NUDT10: variants seen among roughly 807,000 people sequenced by gnomAD.
NUDT10 encodes the protein diphosphoinositol polyphosphate phosphohydrolase 3-alpha.
A neutral mutation model predicts 10.5 loss-of-function variants in NUDT10; 2 were observed. The observed-to-expected ratio is 0.19, with a 90% CI of 0.08 to 0.60. The LOEUF (loss-of-function observed/expected upper bound fraction) is 0.60, where lower values mean the gene tolerates loss of function less well. Ranked by LOEUF, NUDT10 falls within the 20% of genes least tolerant of loss-of-function variation. NUDT10 has a pLI of 0.89. For missense variants in NUDT10, 75 were observed against 149.5 expected (o/e 0.50, Z 2.60); for synonymous variants, 53 against 71.8 (o/e 0.74, Z 1.32).
chrX:51,335,682 T>C (rs1557312678), intron 1 of NUDT10, among the ~76,000 whole-genome samples: 1 of 112,150 alleles, frequency 8.9e-6, no homozygotes, highest in East Asian at 2.8e-4. Context: ...CTGCTCCTTG[T>C]CTCACTTGCC....
Position 51,336,353 on chromosome X carries a change from C to T in NUDT10, c.*114C>T, listed in dbSNP as rs782228640. On this transcript the variant is annotated 3_prime_UTR_variant, in exon 2 of 2. Coordinates refer to ENST00000356450, the MANE Select transcript of NUDT10 (RefSeq NM_001304963.2). Reference sequence around the variant, plus strand: ...TCTTTCACACTCCAAGGACACAGCTCATCCTATGCTTTTGGACACTTCTTC... The same window carrying T: ...TCTTTCACACTCCAAGGACACAGCTTATCCTATGCTTTTGGACACTTCTTC... 682 of 469,611 alleles carry T rather than the reference C, an allele frequency of 1.5e-3. 5 individuals carry two copies. The South Asian group carries it at 0.025, about 17-fold the overall frequency. 38.7% of individuals were successfully genotyped at this position (469,611 alleles called of 1,213,427 possible). A position where few individuals can be genotyped will look rare whatever the true frequency, so the allele number is the denominator to read the frequency against.
Position 51,336,219 on chromosome X carries a change from A to G in NUDT10, c.*-20A>G, listed in dbSNP as rs1557312723. 1.8e-6 allele frequency: 1 copy of G among 562,874 alleles called. No individual in the cohort carries two copies. The highest frequency in any genetic ancestry group is 2.3e-5 in the Admixed American group (1 of 44,194). The allele number at this position is 562,874 out of a possible 1,213,427, so 46.4% of individuals were successfully genotyped here. On this transcript the variant is annotated intron_variant, in intron 1 of 1. Transcript: ENST00000356450. ...TGGATGAACCAATAAAACCCTATTA[A>G]TAAGAATTTTTCTTTTTAGGTGAAT...
rs1922842583 is a variant in NUDT10, at chrX:51,336,480, C to G, written c.*241C>G. 3 of 290,715 alleles carry G rather than the reference C, an allele frequency of 1.0e-5. No individual in the cohort carries two copies. The highest frequency in any genetic ancestry group is 1.8e-5 in the Non-Finnish European group (3 of 164,313). 24.0% of individuals were successfully genotyped at this position (290,715 alleles called of 1,213,427 possible). A position where few individuals can be genotyped will look rare whatever the true frequency, so the allele number is the denominator to read the frequency against. On this transcript the variant is annotated 3_prime_UTR_variant, in exon 2 of 2. Coordinates refer to ENST00000356450, the MANE Select transcript of NUDT10 (RefSeq NM_001304963.2). ...TGGCCTTTTTTGTGCTCTTATGTGTCTGTATTTCCCGGCAGAGTATACGCC... is the reference window on the plus strand; with the variant it reads ...TGGCCTTTTTTGTGCTCTTATGTGTGTGTATTTCCCGGCAGAGTATACGCC...
upstream of NUDT10, among the ~76,000 whole-genome samples, chrX:51,332,614 G>C (rs1382933379): frequency 8.8e-6 from 1 of 113,092 alleles, no homozygotes; most frequent in Non-Finnish European, 1.9e-5. Context: ...ACGCGCCCGA[G>C]AATGCGCTTC....
At chrX:51,332,601 C>G (rs781801854), upstream of NUDT10, among the ~76,000 whole-genome samples, 2 of 113,083 alleles carry the variant, frequency 1.8e-5, no homozygotes, top group South Asian at 7.2e-4. Flanking sequence ...AACGGGAGCG[C>G]GGACGCGCCC....
rs782452344 is a variant in NUDT10, at chrX:51,333,478, C to T, written c.494+19C>T. 7.5e-6 allele frequency: 9 copies of T among 1,205,745 alleles called. No homozygotes were observed. Among genetic ancestry groups the T allele is most frequent in the Admixed American group, 2.2e-5 (1 of 45,659 alleles). On this transcript the variant is annotated intron_variant, in intron 1 of 1. Coordinates refer to ENST00000356450, the MANE Select transcript of NUDT10 (RefSeq NM_001304963.2). ...ATCCCTAGTATGTACCGCTTGCGCC[C>T]GCACAGACTTCTGTTTGTCTGCCTT...
chrX:51,337,522 A>G lies in NUDT10; in HGVS notation c.*1283A>G, dbSNP rs1557312869. On this transcript the variant is annotated 3_prime_UTR_variant, in exon 2 of 2. Transcript: ENST00000356450. ...ATTTTCCGTAATAAAGTTTATAAAA[A>G]TAATTACTGGAGTTATTCTTATTAA... 1 of 112,193 alleles carries G rather than the reference A, an allele frequency of 8.9e-6. No individual in the cohort carries two copies. Among genetic ancestry groups the G allele is most frequent in the East Asian group, 2.8e-4 (1 of 3,607 alleles). 9.2% of individuals were successfully genotyped at this position (112,193 alleles called of 1,213,427 possible).
chrX:51,333,778 T>TGGGGGGGG (rs1569552317), intron 1 of NUDT10, among the ~76,000 whole-genome samples: 1 of 2,189 alleles, frequency 4.6e-4, no homozygotes, highest in Non-Finnish European at 8.3e-4. Flanking sequence ...GGGCGAGGGG[T>TGGGGGGGG]GGGCGGGGAG....
At chrX:51,332,658 C>G (rs1295018800), upstream of NUDT10, among the ~76,000 whole-genome samples, 13 of 112,873 alleles carry the variant, frequency 1.2e-4, no homozygotes, top group Admixed American at 1.2e-3. Flanking sequence ...TGTGGAGAGT[C>G]GCGGGCTCGC....
At chrX:51,332,272 G>C (rs1922672115), upstream of NUDT10, 1 of 112,756 alleles carries the variant, frequency 8.9e-6, no homozygotes, top group African/African-American at 3.2e-5. Flanking sequence ...GGATGATGAC[G>C]ACGCTGCCTT....
At position 51,332,915 on chromosome X, in the gene NUDT10, T is replaced by A. The variant is rs782440596; in HGVS notation, c.-51T>A. On this transcript the variant is annotated 5_prime_UTR_variant, in exon 1 of 2. Transcript: ENST00000356450. ...GCTGCTGCCCGGCAGCGGCAGCAGC[T>A]GCGTCGGCGGCCCACACAGCAGCGA... 1.6e-5 allele frequency: 10 copies of A among 609,049 alleles called. No homozygotes were observed. Among genetic ancestry groups the A allele is most frequent in the East Asian group, 1.4e-4 (4 of 28,623 alleles). 50.2% of individuals were successfully genotyped at this position (609,049 alleles called of 1,213,427 possible). A position where few individuals can be genotyped will look rare whatever the true frequency, so the allele number is the denominator to read the frequency against.
At chrX:51,334,335 C>G (rs1228920421) in intron 1 of NUDT10, among the ~76,000 whole-genome samples, 1 of 112,142 alleles carries the variant, frequency 8.9e-6, no homozygotes, top group African/African-American at 3.2e-5. Context: ...TACTCAACTT[C>G]CAACTCCCAT....
chrX:51,336,665 A>G lies in NUDT10; in HGVS notation c.*426A>G, dbSNP rs1295197778. On this transcript the variant is annotated 3_prime_UTR_variant, in exon 2 of 2. Coordinates refer to ENST00000356450, the MANE Select transcript of NUDT10 (RefSeq NM_001304963.2). ...AATCCCTTTCTAATCTGTCTAGCAT[A>G]TATGTGACTTTTGTTTATCAAGTGT... is the stretch of plus-strand genomic sequence containing the variant. The G allele has an allele frequency of 1.7e-5, 2 of 115,316 alleles. No individual in the cohort carries two copies. Among genetic ancestry groups the G allele is most frequent in the African/African-American group, 3.2e-5 (1 of 31,031 alleles). The allele number at this position is 115,316 out of a possible 1,213,427, so 9.5% of individuals were successfully genotyped here.
upstream of NUDT10, chrX:51,332,738 C>A: frequency 8.6e-6 from 4 of 462,786 alleles, no homozygotes; most frequent in Non-Finnish European, 1.4e-5. Flanking sequence ...GGCGGACTGG[C>A]TGACTGACAC....
At chrX:51,332,524 C>A (rs1194489920), upstream of NUDT10, among the ~76,000 whole-genome samples, 3 of 113,323 alleles carry the variant, frequency 2.6e-5, no homozygotes, top group Non-Finnish European at 5.6e-5. Flanking sequence ...AGGAGACCCC[C>A]GCCCCTGGCC....
rs1324041279 is a variant in NUDT10 at position 51,332,889 on chromosome X, G to A, written c.-77G>A. On this transcript the variant is annotated 5_prime_UTR_variant, in exon 1 of 2. Coordinates refer to ENST00000356450, the MANE Select transcript of NUDT10 (RefSeq NM_001304963.2). ...CGGCCCTTTCTCTTCCCAGCACCTC[G>A]GCTGCTGCCCGGCAGCGGCAGCAGC... The A allele has an allele frequency of 1.1e-5, 13 of 1,149,183 alleles. No individual in the cohort carries two copies. The South Asian group carries it at 1.2e-4, about 11-fold the overall frequency. 94.7% of individuals were successfully genotyped at this position (1,149,183 alleles called of 1,213,427 possible). A position where few individuals can be genotyped will look rare whatever the true frequency, so the allele number is the denominator to read the frequency against.
chrX:51,332,973 G>A lies in NUDT10; in HGVS notation c.8G>A (p.Cys3Tyr). The A allele has an allele frequency of 8.3e-7, 1 of 1,211,653 alleles. No individual in the cohort carries two copies. Among genetic ancestry groups the A allele is most frequent in the Non-Finnish European group, 1.1e-6 (1 of 895,375 alleles). MK[C>Y]KPNQTRTYDP... ...GAGGAGGCTGCCTCGAGGATGAAGT[G>A]CAAACCCAACCAGACACGGACCTAC... The change falls in exon 1 of 2, where the codon TGC (cysteine) becomes TAC (tyrosine). Residue 3 changes from cysteine to tyrosine, a missense_variant. Coordinates refer to ENST00000356450, the MANE Select transcript of NUDT10 (RefSeq NM_001304963.2).
Position 51,337,256 on chromosome X carries a change from A to C in NUDT10, c.*1017A>C, listed in dbSNP as rs1922867854. 1 of 112,056 alleles carries C rather than the reference A, an allele frequency of 8.9e-6. No homozygotes were observed. Among genetic ancestry groups the C allele is most frequent in the Admixed American group, 9.5e-5 (1 of 10,563 alleles). The allele number at this position is 112,056 out of a possible 1,213,427, so 9.2% of individuals were successfully genotyped here. On this transcript the variant is annotated 3_prime_UTR_variant, in exon 2 of 2. Coordinates refer to ENST00000356450, the MANE Select transcript of NUDT10 (RefSeq NM_001304963.2). Reference sequence around the variant, plus strand: ...GGGGTAATTTGAACATTGGTGGGGTATTTGGTATTAGAATAATGGTTTTAT... The same window carrying C: ...GGGGTAATTTGAACATTGGTGGGGTCTTTGGTATTAGAATAATGGTTTTAT...
In NUDT10 at chrX:51,332,948, G is replaced by T; in HGVS notation, c.-18G>T. On this transcript the variant is annotated 5_prime_UTR_variant, in exon 1 of 2. Transcript: ENST00000356450. ...CGGCCCACACAGCAGCGAGAGGCGAGAGGAGGCTGCCTCGAGGATGAAGTG... is the reference window on the plus strand; with the variant it reads ...CGGCCCACACAGCAGCGAGAGGCGATAGGAGGCTGCCTCGAGGATGAAGTG... 8.3e-7 allele frequency: 1 copy of T among 1,210,292 alleles called. No individual in the cohort carries two copies. Among genetic ancestry groups the T allele is most frequent in the Admixed American group, 2.2e-5 (1 of 46,067 alleles).
Sources: gnomAD v4.1 joint callset for allele counts (sites outside exome capture counted in the v4.1 genomes callset) on GRCh38, gnomAD v4.1.1 for gene constraint, MANE v1.5 for transcripts, NCBI Gene and HGNC (gene_info 2026-07-23, HGNC 2026-07-21) for gene names.